SNX29: variants seen among roughly 807,000 people sequenced by gnomAD.
SNX29 encodes the protein sorting nexin 29, also known as sorting nexin-29.
Under a neutral mutation model 102.1 loss-of-function variants are expected in SNX29, and 78 were observed. The observed-to-expected ratio is 0.76, with a 90% CI of 0.64 to 0.92. SNX29 has a LOEUF of 0.92. SNX29 is among the 40% of genes least tolerant of loss of function. The probability of loss-of-function intolerance (pLI) is 0.00; values close to 1 mark genes in which losing one functional copy is unlikely to be tolerated. For synonymous variants in SNX29, 580 were observed against 414.5 expected, an observed-to-expected ratio of 1.40 and a Z score of -4.85; for missense variants, 1,280 against 1,061.7, an observed-to-expected ratio of 1.21 and a Z score of -2.86.
intron 4 of SNX29, among the ~76,000 whole-genome samples, chr16:12,039,654 G>T (rs1366579557): frequency 6.6e-6 from 1 of 152,210 alleles, no homozygotes; most frequent in Non-Finnish European, 1.5e-5. Flanking sequence ...TCCTAGATTG[G>T]AAGCCAGGTC....
At chr16:12,391,785 G>T (rs1403931306) in intron 16 of SNX29, among the ~76,000 whole-genome samples, 1 of 152,040 alleles carries the variant, frequency 6.6e-6, no homozygotes, top group Non-Finnish European at 1.5e-5. Flanking sequence ...CCATTTCCTG[G>T]TGTTTCCCAC....
intron 15 of SNX29, among the ~76,000 whole-genome samples, chr16:12,306,156 C>T (rs1418369156): frequency 6.6e-6 from 1 of 152,020 alleles, no homozygotes; most frequent in Non-Finnish European, 1.5e-5. Flanking sequence ...AGTTTGTGAA[C>T]AGACTATTTT....
chr16:12,554,510 G>A (rs1186479927), intron 20 of SNX29, among the ~76,000 whole-genome samples: 1 of 152,220 alleles, frequency 6.6e-6, no homozygotes, highest in Non-Finnish European at 1.5e-5. Flanking sequence ...CTCCGCAGCA[G>A]GATGCTGCAT....
rs1475894485 is a variant in SNX29, at chr16:12,568,689, A to C, written c.*60A>C. On this transcript the variant is annotated 3_prime_UTR_variant, in exon 21 of 21. Coordinates refer to ENST00000566228, the MANE Select transcript of SNX29 (RefSeq NM_032167.5). ...GGCACCAGCTGCGTCCACCCCAGCC[A>C]CTGCCGCTGGCCCCTCACCTCAGCG... 12 of 1,580,118 alleles carry C rather than the reference A, an allele frequency of 7.6e-6. No homozygotes were observed. Among genetic ancestry groups the C allele is most frequent in the African/African-American group, 2.7e-5 (2 of 74,378 alleles).
At chr16:12,347,697 G>A (rs1436271578) in intron 15 of SNX29, among the ~76,000 whole-genome samples, 2 of 152,116 alleles carry the variant, frequency 1.3e-5, no homozygotes, top group African/African-American at 4.8e-5. Flanking sequence ...GCAGGTACTG[G>A]TGACTGCCCG....
At chr16:12,067,010 A>G (rs965126219) in intron 9 of SNX29, among the ~76,000 whole-genome samples, 1 of 150,452 alleles carries the variant, frequency 6.6e-6, no homozygotes, top group Non-Finnish European at 1.5e-5. Flanking sequence ...TAAATAAATA[A>G]ATAAATAAAT....
intron 18 of SNX29, among the ~76,000 whole-genome samples, chr16:12,443,616 A>G: frequency 6.6e-6 from 1 of 152,134 alleles, no homozygotes; most frequent in Non-Finnish European, 1.5e-5. Context: ...ATGACTGGCT[A>G]ACTTTTGTGT....
At chr16:12,518,900 TTGTGA>T (rs1397376787) in intron 19 of SNX29, among the ~76,000 whole-genome samples, 1 of 152,154 alleles carries the variant, frequency 6.6e-6, no homozygotes, top group African/African-American at 2.4e-5. Flanking sequence ...GAATGTCACC[TTGTGA>T]TGTGAAGTAG....
intron 7 of SNX29, 84 bp downstream of exon 7, chr16:12,048,704 C>G: frequency 6.2e-7 from 1 of 1,609,014 alleles, no homozygotes; most frequent in Non-Finnish European, 8.5e-7. Flanking sequence ...ATCTGAAAGT[C>G]ATTCCAAGGG....
intron 15 of SNX29, among the ~76,000 whole-genome samples, chr16:12,326,783 G>A (rs560814685): frequency 1.3e-5 from 2 of 152,266 alleles, no homozygotes; most frequent in East Asian, 1.9e-4. Context: ...GTACTGTGGT[G>A]CAGGTGGCAC....
intron 15 of SNX29, among the ~76,000 whole-genome samples, chr16:12,298,810 T>TA (rs2080066284): frequency 6.6e-6 from 1 of 152,062 alleles, no homozygotes; most frequent in Non-Finnish European, 1.5e-5. Context: ...TGACAACAGT[T>TA]AGAGTTGCTT....
chr16:12,217,206 G>A (rs767020239), intron 14 of SNX29, among the ~76,000 whole-genome samples: 10 of 152,244 alleles, frequency 6.6e-5, no homozygotes, highest in Non-Finnish European at 1.2e-4. Flanking sequence ...TTTTTGTAGA[G>A]ACAGGGTCTC....
chr16:12,540,618 C>T (rs1044268036), intron 20 of SNX29, among the ~76,000 whole-genome samples: 3 of 152,174 alleles, frequency 2.0e-5, no homozygotes, highest in East Asian at 1.9e-4. Flanking sequence ...TGGGGTGGAC[C>T]TAAAGAGTCC....
chr16:11,977,590 G>A (rs978404440), intron 1 of SNX29: 2 of 152,580 alleles, frequency 1.3e-5, no homozygotes, highest in Non-Finnish European at 2.9e-5. Flanking sequence ...AGCCCATCTG[G>A]GGACCGTCAC....
At chr16:12,060,371 C>T (rs190695401) in intron 8 of SNX29, among the ~76,000 whole-genome samples, 5 of 152,168 alleles carry the variant, frequency 3.3e-5, no homozygotes, top group East Asian at 1.9e-4. Context: ...GCAGGAGGAT[C>T]GCTTGAGGCT....
intron 11 of SNX29, among the ~76,000 whole-genome samples, chr16:12,099,453 C>A (rs750441689): frequency 1.3e-5 from 2 of 152,104 alleles, no homozygotes; most frequent in Non-Finnish European, 2.9e-5. Context: ...CTGCATTGTT[C>A]CTGGGTAGTT....
chr16:12,308,813 C>A (rs2080435199), intron 15 of SNX29, among the ~76,000 whole-genome samples: 1 of 151,980 alleles, frequency 6.6e-6, no homozygotes, highest in African/African-American at 2.4e-5. Context: ...GCAAAAGAAA[C>A]AAGAACGCCT....
rs759757347 is a variant in SNX29 at position 12,568,664 on chromosome 16, G to C, written c.*35G>C. On this transcript the variant is annotated 3_prime_UTR_variant, in exon 21 of 21. Coordinates refer to ENST00000566228, the MANE Select transcript of SNX29 (RefSeq NM_032167.5). ...AACCGCAGCCACGGGCCCTGTGCGTGGCACCAGCTGCGTCCACCCCAGCCA... is the reference window on the plus strand; with the variant it reads ...AACCGCAGCCACGGGCCCTGTGCGTCGCACCAGCTGCGTCCACCCCAGCCA... 7 of 1,593,656 alleles carry C rather than the reference G, an allele frequency of 4.4e-6. No individual in the cohort carries two copies. The African/African-American group carries it at 6.7e-5, about 15-fold the overall frequency.
At position 12,424,048 on chromosome 16, in the gene SNX29, C is replaced by T. The variant is rs116451303; in HGVS notation, c.2037+20519C>T. On this transcript the variant is annotated intron_variant, in intron 18 of 20. Coordinates refer to ENST00000566228, the MANE Select transcript of SNX29 (RefSeq NM_032167.5). ...GGTTGGCCAGAGGGAATCAGGGCTA[C>T]TGGCAGCCTTAGCTTTGCACATGTC... Among the ~76,000 whole-genome samples, 1,102 of 152,348 alleles carry T rather than the reference C, an allele frequency of 7.2e-3. 14 individuals are homozygous for T. Among genetic ancestry groups the T allele is most frequent in the African/African-American group, 0.025 (1,052 of 41,582 alleles).
Sources: allele counts gnomAD v4.1 joint callset (sites outside exome capture counted in the v4.1 genomes callset), GRCh38; gene constraint gnomAD v4.1.1; transcripts MANE v1.5; gene names NCBI Gene and HGNC (gene_info 2026-07-23, HGNC 2026-07-21).